CPXM2: variants seen among roughly 807,000 people sequenced by gnomAD.
CPXM2 encodes carboxypeptidase X, M14 family member 2, also known as inactive carboxypeptidase-like protein X2.
Under a neutral mutation model 86.1 loss-of-function variants are expected in CPXM2, and 66 were observed. The observed-to-expected ratio is 0.77, with a 90% CI of 0.63 to 0.94. CPXM2 has a LOEUF of 0.94. CPXM2 is among the 40% of genes least tolerant of loss of function. CPXM2 has a pLI of 0.00. For synonymous variants in CPXM2, 388 were observed against 400.2 expected, an observed-to-expected ratio of 0.97 and a Z score of 0.36; for missense variants, 948 against 1,026.3, an observed-to-expected ratio of 0.92 and a Z score of 1.04.
chr10:123,780,068 C>A, intron 7 of CPXM2, 99 bp downstream of exon 7: 2 of 751,592 alleles, frequency 2.7e-6, no homozygotes, highest in Non-Finnish European at 2.4e-6. Context: ...GATCCCTAAT[C>A]ATCAATTTCT....
Position 123,913,455 on chromosome 10 carries a change from T to C in CPXM2, n.174+26022A>G, listed in dbSNP as rs530297516. On this transcript the variant is annotated intron_variant and non_coding_transcript_variant, in intron 2 of 19. Transcript: ENST00000368854. ...GCTTGGCAAAAGAGCACTGGAATTATTGCATAAGTGTGTTTATGTGCGTAG... is the reference window on the plus strand; with the variant it reads ...GCTTGGCAAAAGAGCACTGGAATTACTGCATAAGTGTGTTTATGTGCGTAG... 2.0e-5 allele frequency: 3 copies of C among 152,912 alleles called. No individual in the cohort carries two copies. The South Asian group carries it at 6.2e-4, about 32-fold the overall frequency. 9.5% of individuals were successfully genotyped at this position (152,912 alleles called of 1,614,324 possible). A position where few individuals can be genotyped will look rare whatever the true frequency, so the allele number is the denominator to read the frequency against.
chr10:123,833,781 G>A (rs906075172), intron 4 of CPXM2, among the ~76,000 whole-genome samples: 4 of 152,184 alleles, frequency 2.6e-5, no homozygotes, highest in South Asian at 2.1e-4. Context: ...TCAGAGAACC[G>A]AGGATGTGGT....
At chr10:123,877,095 C>G (rs1303206401) in intron 2 of CPXM2, among the ~76,000 whole-genome samples, 1 of 152,194 alleles carries the variant, frequency 6.6e-6, no homozygotes, top group African/African-American at 2.4e-5. Flanking sequence ...AAGCCCTCAT[C>G]TGGCTGCAAA....
chr10:123,855,024 C>T (rs1044561959), intron 3 of CPXM2, among the ~76,000 whole-genome samples: 1 of 151,672 alleles, frequency 6.6e-6, no homozygotes, highest in African/African-American at 2.4e-5. Context: ...TATGTCTACA[C>T]TGTAAGCTTC....
At chr10:123,775,169 G>T (rs891486766) in intron 7 of CPXM2, among the ~76,000 whole-genome samples, 6 of 152,204 alleles carry the variant, frequency 3.9e-5, no homozygotes, top group Non-Finnish European at 5.9e-5. Flanking sequence ...AGAGAAATGA[G>T]AACCAGTGCA....
upstream of CPXM2, among the ~76,000 whole-genome samples, chr10:123,895,856 G>T (rs1005542038): frequency 6.6e-6 from 1 of 152,180 alleles, no homozygotes; most frequent in Non-Finnish European, 1.5e-5. Flanking sequence ...GTTCTTTAAA[G>T]TCAACCATTG....
chr10:123,816,551 A>G (rs935299818), intron 4 of CPXM2, among the ~76,000 whole-genome samples: 3 of 152,248 alleles, frequency 2.0e-5, no homozygotes, highest in Admixed American at 6.5e-5. Flanking sequence ...GGGGAATGAC[A>G]GTGGATTATC....
At chr10:123,882,937 G>A (rs1197362422) in intron 1 of CPXM2, among the ~76,000 whole-genome samples, 1 of 145,686 alleles carries the variant, frequency 6.9e-6, no homozygotes, top group African/African-American at 2.6e-5. Context: ...CATGGTTTAG[G>A]CACCCCCCAC....
At chr10:123,864,028 A>C (rs1202559957) in intron 2 of CPXM2, among the ~76,000 whole-genome samples, 1 of 152,100 alleles carries the variant, frequency 6.6e-6, no homozygotes, top group East Asian at 1.9e-4. Context: ...ACTCCAGGAC[A>C]TCCTGCAGCC....
chr10:123,853,076 C>T (rs1325101472), intron 3 of CPXM2, among the ~76,000 whole-genome samples: 1 of 152,030 alleles, frequency 6.6e-6, no homozygotes, highest in Non-Finnish European at 1.5e-5. Context: ...CCCCTTAGAA[C>T]TGTGTTTGAT....
At chr10:123,833,039 C>G (rs530048567) in intron 4 of CPXM2, among the ~76,000 whole-genome samples, 2 of 152,262 alleles carry the variant, frequency 1.3e-5, no homozygotes, top group South Asian at 4.1e-4. Context: ...AGACATGGAA[C>G]CTGCCAGCAC....
At chr10:123,889,232 A>G (rs1027884063) in intron 1 of CPXM2, among the ~76,000 whole-genome samples, 2 of 152,222 alleles carry the variant, frequency 1.3e-5, no homozygotes, top group African/African-American at 4.8e-5. Flanking sequence ...TTGTAGGGAA[A>G]GAAACCTATC....
intron 6 of CPXM2, among the ~76,000 whole-genome samples, chr10:123,790,638 G>C (rs957060481): frequency 6.6e-6 from 1 of 152,126 alleles, no homozygotes; most frequent in African/African-American, 2.4e-5. Flanking sequence ...CAGCCAACCA[G>C]GGCCAATCCC....
At chr10:123,896,262 T>G (rs1425826627), upstream of CPXM2, among the ~76,000 whole-genome samples, 3 of 152,246 alleles carry the variant, frequency 2.0e-5, no homozygotes, top group African/African-American at 7.2e-5. Context: ...TGAAAGATCA[T>G]TAATTTGAAA....
In CPXM2 at chr10:123,859,343, G is replaced by A. The variant is rs575269459; in HGVS notation, c.513+3271C>T. On this transcript the variant is annotated intron_variant, in intron 3 of 13. Transcript: ENST00000241305. Reference sequence around the variant, plus strand: ...TGACTTTAATTATGCACCTGTGACAGTGGAATCACACTGCATGTGGCACTG... The same window carrying A: ...TGACTTTAATTATGCACCTGTGACAATGGAATCACACTGCATGTGGCACTG... Among the ~76,000 whole-genome samples, 26 of 152,394 alleles carry A rather than the reference G, an allele frequency of 1.7e-4. 3 individuals are homozygous for A. In the South Asian group the frequency reaches 3.9e-3, roughly 23 times the overall value.
At chr10:123,778,205 T>G (rs1274143247) in intron 7 of CPXM2, among the ~76,000 whole-genome samples, 1 of 152,258 alleles carries the variant, frequency 6.6e-6, no homozygotes, top group Non-Finnish European at 1.5e-5. Context: ...GTTTCTCATT[T>G]GTTTTTTGTT....
At chr10:123,764,216 A>G (rs2133993163) in intron 10 of CPXM2, among the ~76,000 whole-genome samples, 1 of 152,298 alleles carries the variant, frequency 6.6e-6, no homozygotes, top group African/African-American at 2.4e-5. Context: ...CCCAATTTGT[A>G]GCTTGTCACA....
chr10:123,756,175 C>A (rs189335600), intron 12 of CPXM2, among the ~76,000 whole-genome samples: 1 of 152,196 alleles, frequency 6.6e-6, no homozygotes, highest in Non-Finnish European at 1.5e-5. Context: ...GAAGGGGAAC[C>A]TTGTGTCCAG....
chr10:123,802,210 G>A (rs969334326), intron 4 of CPXM2, among the ~76,000 whole-genome samples: 6 of 152,116 alleles, frequency 3.9e-5, no homozygotes, highest in Admixed American at 6.5e-5. Context: ...CTTGAAGTTC[G>A]CCAAGGGTGG....
Sources: gnomAD v4.1 joint callset for allele counts (sites outside exome capture counted in the v4.1 genomes callset) on GRCh38, gnomAD v4.1.1 for gene constraint, MANE v1.5 for transcripts, NCBI Gene and HGNC (gene_info 2026-07-23, HGNC 2026-07-21) for gene names.